Variants in CNBD1 observed in about 807,000 individuals in gnomAD.
CNBD1 encodes cyclic nucleotide-binding domain-containing protein 1.
Under a neutral mutation model 54.4 loss-of-function variants are expected in CNBD1, and 71 were observed. That is an observed-to-expected ratio of 1.30 (90% CI 1.08 to 1.59). CNBD1 has a LOEUF of 1.59. CNBD1 is among the 40% of genes most tolerant of loss of function. The pLI is 0.00. For synonymous variants in CNBD1, 182 were observed against 170.7 expected (o/e 1.07, Z -0.51); for missense variants, 659 against 518.0 (o/e 1.27, Z -2.64).
intron 7 of CNBD1, among the ~76,000 whole-genome samples, chr8:87,285,698 CTG>C (rs1209578431): frequency 1.1e-4 from 16 of 152,114 alleles, no homozygotes; most frequent in African/African-American, 3.4e-4. Context: ...TGGAGAAACC[CTG>C]TCTCTACTGA....
intron 8 of CNBD1, among the ~76,000 whole-genome samples, chr8:87,296,620 C>CAT (rs1554576900): frequency 0.028 from 4,175 of 150,330 alleles, 184 homozygotes; most frequent in African/African-American, 0.094. Flanking sequence ...TATATATACA[C>CAT]ATATATATAC....
intron 4 of CNBD1, among the ~76,000 whole-genome samples, chr8:87,155,819 G>A (rs987471854): frequency 2.6e-5 from 4 of 152,030 alleles, no homozygotes; most frequent in African/African-American, 9.7e-5. Context: ...TCTTTAGGAG[G>A]GTGTGTGGAA....
At chr8:87,051,408 A>G (rs1181131224) in intron 4 of CNBD1, among the ~76,000 whole-genome samples, 1 of 152,156 alleles carries the variant, frequency 6.6e-6, no homozygotes, top group Non-Finnish European at 1.5e-5. Context: ...GGAGACCCTA[A>G]CCCAGCAGCA....
intron 4 of CNBD1, among the ~76,000 whole-genome samples, chr8:86,979,884 A>G (rs1414802143): frequency 1.3e-5 from 2 of 152,194 alleles, no homozygotes; most frequent in Admixed American, 1.3e-4. Flanking sequence ...ATAACATCGT[A>G]GATCCTTTCA....
chr8:86,906,658 A>G (rs1809022713), intron 3 of CNBD1, among the ~76,000 whole-genome samples: 1 of 152,242 alleles, frequency 6.6e-6, no homozygotes, highest in Non-Finnish European at 1.5e-5. Context: ...TGTCTATAGA[A>G]TAAGGGACCA....
At chr8:87,328,810 C>G (rs369586840) in intron 8 of CNBD1, among the ~76,000 whole-genome samples, 6 of 151,978 alleles carry the variant, frequency 3.9e-5, no homozygotes, top group Admixed American at 1.3e-4. Flanking sequence ...AGTGTGCAAG[C>G]CTTTCACTTT....
At chr8:86,947,207 GA>G (rs1005149716) in intron 4 of CNBD1, among the ~76,000 whole-genome samples, 83 of 152,168 alleles carry the variant, frequency 5.5e-4, no homozygotes, top group Middle Eastern at 3.4e-3. Flanking sequence ...TTCATCCACT[GA>G]ACATTTAGTC....
At position 86,979,421 on chromosome 8, in the gene CNBD1, AAAAAAAAG is replaced by A. The variant is rs1272712022; in HGVS notation, c.431+39668_431+39675del. Among the ~76,000 whole-genome samples the A allele has an allele frequency of 1.1e-4, 16 of 145,666 alleles. 1 individual carries two copies. Among genetic ancestry groups the A allele is most frequent in the African/African-American group, 2.8e-4 (11 of 38,824 alleles). On this transcript the variant is annotated intron_variant, in intron 4 of 10. Coordinates refer to ENST00000518476, the MANE Select transcript of CNBD1 (RefSeq NM_173538.3). Reference sequence around the variant, plus strand: ...TCTCTACAAAAAAAAAAAAAAAAAAAAAAAAAAGGCAAAAACAATTTAGCCTGCCATGG... The same window carrying A: ...TCTCTACAAAAAAAAAAAAAAAAAAAGCAAAAACAATTTAGCCTGCCATGG...
At chr8:87,332,785 G>A (rs572970755) in intron 8 of CNBD1, among the ~76,000 whole-genome samples, 62 of 152,228 alleles carry the variant, frequency 4.1e-4, no homozygotes, top group African/African-American at 1.4e-3. Context: ...CTGTAGACTT[G>A]TGGCATAGTT....
intron 4 of CNBD1, among the ~76,000 whole-genome samples, chr8:87,111,605 T>C (rs190055211): frequency 2.6e-5 from 4 of 152,218 alleles, no homozygotes; most frequent in South Asian, 2.1e-4. Context: ...TGGCTCAGGG[T>C]TGAGAACTGG....
chr8:87,145,925 C>G (rs1812476723), intron 4 of CNBD1, among the ~76,000 whole-genome samples: 1 of 152,102 alleles, frequency 6.6e-6, no homozygotes, highest in African/African-American at 2.4e-5. Flanking sequence ...CTACTTTTGG[C>G]TACCTCAGCT....
intron 8 of CNBD1, among the ~76,000 whole-genome samples, chr8:87,337,030 G>A (rs1809957417): frequency 6.6e-6 from 1 of 152,242 alleles, no homozygotes; most frequent in African/African-American, 2.4e-5. Flanking sequence ...ACATTGAGAT[G>A]TCACTCAAGG....
intron 3 of CNBD1, among the ~76,000 whole-genome samples, chr8:86,911,747 A>G (rs1015120488): frequency 6.6e-5 from 10 of 152,332 alleles, no homozygotes; most frequent in African/African-American, 2.2e-4. Flanking sequence ...GTTAGAAATG[A>G]TAAAATAATT....
chr8:87,143,114 G>T (rs780001562), intron 4 of CNBD1, among the ~76,000 whole-genome samples: 1 of 152,046 alleles, frequency 6.6e-6, no homozygotes, highest in Non-Finnish European at 1.5e-5. Context: ...TGCACCTGGG[G>T]TCATCCTAGC....
chr8:86,886,080 C>G (rs1808676754), intron 1 of CNBD1, among the ~76,000 whole-genome samples: 1 of 152,040 alleles, frequency 6.6e-6, no homozygotes, highest in Non-Finnish European at 1.5e-5. Flanking sequence ...TGACCTTTTT[C>G]CAAATCTCTG....
At chr8:86,922,236 T>G (rs1354914343) in intron 3 of CNBD1, among the ~76,000 whole-genome samples, 3 of 152,060 alleles carry the variant, frequency 2.0e-5, no homozygotes, top group African/African-American at 7.2e-5. Flanking sequence ...TGAAAAAATT[T>G]TTTTCAAAAC....
chr8:87,361,179 A>T (rs905694560), intron 10 of CNBD1, among the ~76,000 whole-genome samples: 1 of 151,998 alleles, frequency 6.6e-6, no homozygotes, highest in African/African-American at 2.4e-5. Flanking sequence ...ACTTATTTTT[A>T]AATCAGATAA....
chr8:87,095,083 A>G (rs1811290804), intron 4 of CNBD1, among the ~76,000 whole-genome samples: 1 of 152,204 alleles, frequency 6.6e-6, no homozygotes, highest in African/African-American at 2.4e-5. Flanking sequence ...GGAGATGCCT[A>G]TAACCTACTA....
intron 3 of CNBD1, among the ~76,000 whole-genome samples, chr8:86,934,044 A>C (rs758701967): frequency 3.9e-5 from 6 of 152,118 alleles, no homozygotes; most frequent in Non-Finnish European, 8.8e-5. Flanking sequence ...GTATCTATAG[A>C]AGTTTATTTT....
Sources: allele counts gnomAD v4.1 joint callset (sites outside exome capture counted in the v4.1 genomes callset), GRCh38; gene constraint gnomAD v4.1.1; transcripts MANE v1.5; gene names NCBI Gene and HGNC (gene_info 2026-07-23, HGNC 2026-07-21).